PTPRD: variants seen among roughly 807,000 people sequenced by gnomAD.
PTPRD encodes the protein protein tyrosine phosphatase receptor type D.
In PTPRD, 34 loss-of-function variants were observed where a neutral mutation model predicts 214.5. The ratio of observed to expected loss-of-function variants is 0.16; its 90% confidence interval spans 0.12 to 0.21. The LOEUF (loss-of-function observed/expected upper bound fraction) is 0.21, where lower values mean the gene tolerates loss of function less well. Among genes scored for constraint, PTPRD ranks in the 10% least tolerant of loss-of-function variants. The pLI is 1.00. For synonymous variants in PTPRD, 1,128 were observed against 845.7 expected (o/e 1.33, Z -5.79); for missense variants, 2,545 against 2,398.7 (o/e 1.06, Z -1.27).
In PTPRD at chr9:8,705,913, G is replaced by C. The variant is rs139094424; in HGVS notation, c.64+27867C>G. ...GAGTTCTCTGAAAGCTCTATCAATA[G>C]TAATAAAAATGGCCAACTGTGATTC... is the stretch of plus-strand genomic sequence containing the variant. On this transcript the variant is annotated intron_variant, in intron 12 of 45. Coordinates refer to ENST00000381196, the MANE Select transcript of PTPRD (RefSeq NM_002839.4). Among the ~76,000 whole-genome samples the C allele has an allele frequency of 2.2e-3, 333 of 152,220 alleles. 1 individual carries two copies. Among genetic ancestry groups the C allele is most frequent in the African/African-American group, 7.9e-3 (326 of 41,526 alleles).
At chr9:9,953,484 G>C (rs916309717) in intron 4 of PTPRD, among the ~76,000 whole-genome samples, 1 of 141,594 alleles carries the variant, frequency 7.1e-6, no homozygotes, top group African/African-American at 2.7e-5. Context: ...TAAAATAGAG[G>C]GAATTGTGGA....
chr9:8,316,475 T>G lies in PTPRD; in HGVS notation c.*1399A>C, dbSNP rs1051453922. The G allele has an allele frequency of 8.7e-6, 2 of 230,550 alleles. No individual in the cohort carries two copies. The highest frequency in any genetic ancestry group is 5.7e-5 in the Admixed American group (1 of 17,668). 14.3% of individuals were successfully genotyped at this position (230,550 alleles called of 1,614,324 possible). ...CTTTGCCCCTGTTACATATCATAAA[T>G]GCAAATTTCATAGCACATACTATAG... is the stretch of plus-strand genomic sequence containing the variant. On this transcript the variant is annotated 3_prime_UTR_variant, in exon 46 of 46. Transcript: ENST00000381196.
intron 9 of PTPRD, among the ~76,000 whole-genome samples, chr9:9,393,151 A>T (rs1369985011): frequency 6.6e-6 from 1 of 152,174 alleles, no homozygotes; most frequent in Non-Finnish European, 1.5e-5. Flanking sequence ...GCCATGTGAC[A>T]AGAACCTGGT....
chr9:10,242,732 G>A (rs10809046), intron 3 of PTPRD, among the ~76,000 whole-genome samples: 82,292 of 151,012 alleles, frequency 0.54, 23,953 homozygotes, highest in East Asian at 0.73. Context: ...AGATCAATAG[G>A]TTTTTATTTT....
chr9:10,225,072 T>C (rs535661738), intron 3 of PTPRD, among the ~76,000 whole-genome samples: 35 of 151,958 alleles, frequency 2.3e-4, no homozygotes, highest in Non-Finnish European at 4.4e-4. Context: ...ACTTCTAACC[T>C]CCACATTGTT....
At chr9:9,379,868 G>C (rs912839149) in intron 9 of PTPRD, among the ~76,000 whole-genome samples, 22 of 151,914 alleles carry the variant, frequency 1.4e-4, no homozygotes, top group Middle Eastern at 3.4e-3. Context: ...ATTACCTTTT[G>C]TATCTTAACC....
At chr9:9,270,737 T>G (rs768625396) in intron 9 of PTPRD, among the ~76,000 whole-genome samples, 27 of 151,448 alleles carry the variant, frequency 1.8e-4, no homozygotes, top group Non-Finnish European at 3.7e-4. Context: ...TCAATGGATT[T>G]AGAGAGAGCA....
intron 2 of PTPRD, among the ~76,000 whole-genome samples, chr9:10,542,979 A>G (rs2059445031): frequency 6.6e-6 from 1 of 151,872 alleles, no homozygotes; most frequent in Admixed American, 6.6e-5. Context: ...TTGAACTCCC[A>G]ACCTCAGGTG....
chr9:10,494,220 A>C (rs935675404), intron 2 of PTPRD, among the ~76,000 whole-genome samples: 2 of 151,954 alleles, frequency 1.3e-5, no homozygotes, highest in Non-Finnish European at 2.9e-5. Flanking sequence ...GTTTAAAAGT[A>C]AATCAAGGTA....
At chr9:9,782,467 A>G (rs975145398) in intron 5 of PTPRD, among the ~76,000 whole-genome samples, 1 of 152,216 alleles carries the variant, frequency 6.6e-6, no homozygotes, top group Non-Finnish European at 1.5e-5. Context: ...AGACTAATTG[A>G]GGTATGTTAC....
At chr9:10,496,212 T>C (rs552258703) in intron 2 of PTPRD, among the ~76,000 whole-genome samples, 4 of 151,992 alleles carry the variant, frequency 2.6e-5, no homozygotes, top group African/African-American at 9.6e-5. Context: ...TATTGTTATC[T>C]TCGAATTTTT....
At chr9:9,069,042 T>C (rs1017079995) in intron 10 of PTPRD, among the ~76,000 whole-genome samples, 10 of 152,126 alleles carry the variant, frequency 6.6e-5, no homozygotes, top group Non-Finnish European at 1.3e-4. Flanking sequence ...AGCACCCACT[T>C]AAGAAAAAAC....
rs571492239 is a variant in PTPRD, at chr9:10,233,088, T to C, written c.-545+107875A>G. Among the ~76,000 whole-genome samples, 8 of 152,126 alleles carry C rather than the reference T, an allele frequency of 5.3e-5. No homozygotes were observed. The South Asian group carries it at 1.4e-3, about 28-fold the overall frequency. On this transcript the variant is annotated intron_variant, in intron 3 of 45. Coordinates refer to ENST00000381196, the MANE Select transcript of PTPRD (RefSeq NM_002839.4). ...TATTTAGTGAAATTTGTTGATGGTG[T>C]TGTGTATTAAATTACTGAAACCTTT...
intron 8 of PTPRD, among the ~76,000 whole-genome samples, chr9:9,444,236 G>T (rs1220148299): frequency 6.6e-6 from 1 of 151,976 alleles, no homozygotes; most frequent in African/African-American, 2.4e-5. Context: ...TCTATAATAT[G>T]CTTTACTTTT....
chr9:9,661,933 T>C (rs1307234198), intron 7 of PTPRD, among the ~76,000 whole-genome samples: 1 of 151,754 alleles, frequency 6.6e-6, no homozygotes, highest in Non-Finnish European at 1.5e-5. Flanking sequence ...TTTAATCATC[T>C]GAACTCTGAA....
intron 35 of PTPRD, among the ~76,000 whole-genome samples, chr9:8,407,869 A>G (rs2093154846): frequency 6.6e-6 from 1 of 152,212 alleles, no homozygotes; most frequent in African/African-American, 2.4e-5. Context: ...ACGGGTCATT[A>G]TTTTTGGAGC....
intron 3 of PTPRD, among the ~76,000 whole-genome samples, chr9:10,236,825 T>C (rs949975981): frequency 6.6e-6 from 1 of 151,946 alleles, no homozygotes; most frequent in Admixed American, 6.6e-5. Context: ...CCAGTAACTA[T>C]GTACAATATT....
At chr9:9,927,724 G>A (rs1391242510) in intron 5 of PTPRD, among the ~76,000 whole-genome samples, 1 of 152,088 alleles carries the variant, frequency 6.6e-6, no homozygotes, top group Non-Finnish European at 1.5e-5. Flanking sequence ...ATCTAATGCA[G>A]TGCAATGTTC....
chr9:9,649,094 A>G lies in PTPRD; in HGVS notation c.-286-74313T>C, dbSNP rs111688906. Among the ~76,000 whole-genome samples, 1,334 of 152,264 alleles carry G rather than the reference A, an allele frequency of 8.8e-3. 19 individuals carry two copies. The highest frequency in any genetic ancestry group is 0.031 in the African/African-American group (1,289 of 41,544). On this transcript the variant is annotated intron_variant, in intron 7 of 45. Coordinates refer to ENST00000381196, the MANE Select transcript of PTPRD (RefSeq NM_002839.4). ...CGAGAGTTTGGGAGGTAGTAAACAAACCAAGACGCAGTGTTATTCAGGGTC... is the reference window on the plus strand; with the variant it reads ...CGAGAGTTTGGGAGGTAGTAAACAAGCCAAGACGCAGTGTTATTCAGGGTC...
Sources: gnomAD v4.1 joint callset for allele counts (sites outside exome capture counted in the v4.1 genomes callset) on GRCh38, gnomAD v4.1.1 for gene constraint, MANE v1.5 for transcripts, NCBI Gene and HGNC (gene_info 2026-07-23, HGNC 2026-07-21) for gene names.